IPO11: variants seen among roughly 807,000 people sequenced by gnomAD.
IPO11 encodes importin 11, also known as importin-11.
Under a neutral mutation model 143.2 loss-of-function variants are expected in IPO11, and 66 were observed. The observed-to-expected ratio is 0.46, with a 90% CI of 0.38 to 0.57. The LOEUF (loss-of-function observed/expected upper bound fraction) is 0.57. Ranked by LOEUF, IPO11 falls within the 20% of genes least tolerant of loss-of-function variation. The probability of loss-of-function intolerance (pLI) is 0.00; values close to 1 mark genes in which losing one functional copy is unlikely to be tolerated. For synonymous variants in IPO11, 385 were observed against 377.8 expected (o/e 1.02, Z -0.22); for missense variants, 1,026 against 1,141.0 (o/e 0.90, Z 1.45).
chr5:62,622,868 A>C (rs529249032), intron 29 of IPO11, among the ~76,000 whole-genome samples: 43 of 152,234 alleles, frequency 2.8e-4, no homozygotes, highest in Non-Finnish European at 5.6e-4. Flanking sequence ...TAGACATAGC[A>C]ATGTAAAATA....
At chr5:62,542,456 TAAC>T (rs1475289854) in intron 24 of IPO11, among the ~76,000 whole-genome samples, 3 of 152,182 alleles carry the variant, frequency 2.0e-5, no homozygotes, top group African/African-American at 7.2e-5. Flanking sequence ...AGTATAGCAA[TAAC>T]AATAGTTTTT....
chr5:62,619,223 T>C (rs957446446), intron 29 of IPO11, among the ~76,000 whole-genome samples: 1 of 152,000 alleles, frequency 6.6e-6, no homozygotes, highest in Admixed American at 6.6e-5. Flanking sequence ...AGCGAGACCC[T>C]GTTTCTAAAA....
At position 62,601,792 on chromosome 5, in the gene IPO11, C is replaced by T; in HGVS notation, c.2707C>T (p.Pro903Ser). The T allele has an allele frequency of 6.3e-7, 1 of 1,588,454 alleles. No individual in the cohort carries two copies. The highest frequency in any genetic ancestry group is 8.6e-7 in the Non-Finnish European group (1 of 1,166,950). ...TATGTTGATGTCTCATCTTGAGGAACCAAAAGTAACAGAAGATGAAGAACC... is the reference window on the plus strand; with the variant it reads ...TATGTTGATGTCTCATCTTGAGGAATCAAAAGTAACAGAAGATGAAGAACC... Reference protein sequence around the residue: ...DCMLMSHLEEPKVTEDEEPPT... With the variant: ...DCMLMSHLEESKVTEDEEPPT... The change falls in exon 29 of 30, where the codon CCA becomes TCA. Residue 903 changes from proline (P) to serine (S), a missense_variant. Physicochemically the swap from Pro to Ser is moderately conservative, Grantham distance 74. Transcript: ENST00000325324.
chr5:62,455,770 T>TGAGA (rs145494846), intron 5 of IPO11, among the ~76,000 whole-genome samples: 1 of 151,662 alleles, frequency 6.6e-6, no homozygotes, highest in African/African-American at 2.4e-5. Context: ...TTTTTTTTTT[T>TGAGA]GAGAGAGAGA....
At chr5:62,444,737 C>T (rs986007777) in intron 3 of IPO11, among the ~76,000 whole-genome samples, 1 of 151,774 alleles carries the variant, frequency 6.6e-6, no homozygotes, top group Non-Finnish European at 1.5e-5. Flanking sequence ...GGTGTGGTGG[C>T]GGATGCCTGT....
chr5:62,449,320 A>G (rs2112157387), intron 3 of IPO11, among the ~76,000 whole-genome samples: 1 of 152,278 alleles, frequency 6.6e-6, no homozygotes, highest in South Asian at 2.1e-4. Flanking sequence ...ACGCAGTCAA[A>G]ATTATTAGTA....
chr5:62,435,170 A>ATGTATATATG (rs1561309076), intron 1 of IPO11, among the ~76,000 whole-genome samples: 6 of 103,396 alleles, frequency 5.8e-5, no homozygotes, highest in African/African-American at 2.3e-4. Context: ...ATGTATATAT[A>ATGTATATATG]TGTATATATG....
intron 24 of IPO11, 44 bp downstream of exon 24, chr5:62,537,333 T>G (rs1349568771): frequency 8.1e-7 from 1 of 1,239,630 alleles, no homozygotes; most frequent in Non-Finnish European, 1.2e-6. Flanking sequence ...AATTTTTCAT[T>G]TATATTTTAT....
intron 19 of IPO11, among the ~76,000 whole-genome samples, chr5:62,511,692 C>G (rs1431051161): frequency 6.6e-6 from 1 of 152,064 alleles, no homozygotes; most frequent in Admixed American, 6.5e-5. Context: ...TCCAGATATT[C>G]AAGTAGATAG....
intron 5 of IPO11, among the ~76,000 whole-genome samples, chr5:62,460,834 A>G (rs1745332212): frequency 6.6e-6 from 1 of 152,146 alleles, no homozygotes; most frequent in Non-Finnish European, 1.5e-5. Context: ...ATGTAGAAAA[A>G]AATATTTTTA....
At chr5:62,490,046 G>T in intron 14 of IPO11, 69 bp from the exon 15 acceptor site, 2 of 789,164 alleles carry the variant, frequency 2.5e-6, no homozygotes, top group Non-Finnish European at 3.9e-6. Context: ...ATTAACATAT[G>T]TTTCATACAC....
chr5:62,590,684 C>T (rs1744975108), intron 27 of IPO11, among the ~76,000 whole-genome samples: 1 of 151,968 alleles, frequency 6.6e-6, no homozygotes, highest in Non-Finnish European at 1.5e-5. Flanking sequence ...TTACTGCCTG[C>T]CTGTTTTCCT....
At chr5:62,610,811 A>T (rs566020395) in intron 29 of IPO11, among the ~76,000 whole-genome samples, 1 of 152,094 alleles carries the variant, frequency 6.6e-6, no homozygotes, top group Non-Finnish European at 1.5e-5. Context: ...AATGCTTACC[A>T]TGTGAAAACC....
At chr5:62,608,120 C>G (rs1285720102) in intron 29 of IPO11, among the ~76,000 whole-genome samples, 2 of 152,064 alleles carry the variant, frequency 1.3e-5, no homozygotes, top group African/African-American at 4.8e-5. Flanking sequence ...CTCCTGGCCT[C>G]TCATGCCACA....
chr5:62,434,513 G>A (rs1335457201), intron 1 of IPO11, among the ~76,000 whole-genome samples: 1 of 151,902 alleles, frequency 6.6e-6, no homozygotes, highest in Non-Finnish European at 1.5e-5. Context: ...TTGCCCAGGT[G>A]GGTCTTGAAG....
intron 25 of IPO11, 67 bp from the exon 26 acceptor site, chr5:62,551,156 T>G (rs1376383992): frequency 1.2e-6 from 1 of 811,172 alleles, no homozygotes; most frequent in Non-Finnish European, 2.1e-6. Context: ...TGCTTGTTAC[T>G]GTGTCAGTGA....
intron 27 of IPO11, chr5:62,580,238 T>C: frequency 1.3e-6 from 2 of 1,549,242 alleles, no homozygotes; most frequent in South Asian, 2.4e-5. Context: ...ATTAGGAATG[T>C]TACTAGGGAT....
intron 15 of IPO11, among the ~76,000 whole-genome samples, chr5:62,491,757 C>T (rs1746617302): frequency 2.0e-5 from 3 of 151,158 alleles, no homozygotes; most frequent in Non-Finnish European, 4.4e-5. Flanking sequence ...GCTCTGCCTC[C>T]CGGGTTCATG....
intron 22 of IPO11, among the ~76,000 whole-genome samples, chr5:62,535,753 T>C (rs1257386933): frequency 6.6e-6 from 1 of 152,114 alleles, no homozygotes; most frequent in Non-Finnish European, 1.5e-5. Context: ...TATTAAGATA[T>C]GATAGATAAG....
Sources: allele counts gnomAD v4.1 joint callset (sites outside exome capture counted in the v4.1 genomes callset), GRCh38; gene constraint gnomAD v4.1.1; transcripts MANE v1.5; gene names NCBI Gene and HGNC (gene_info 2026-07-23, HGNC 2026-07-21).